GCDH: variants seen among roughly 807,000 people sequenced by gnomAD.
GCDH encodes the protein glutaryl-CoA dehydrogenase, mitochondrial.
In GCDH, 31 loss-of-function variants were observed where a neutral mutation model predicts 52.8. The observed-to-expected ratio is 0.59, with a 90% CI of 0.44 to 0.79. The LOEUF (loss-of-function observed/expected upper bound fraction) is 0.79, where lower values mean the gene tolerates loss of function less well. Among genes scored for constraint, GCDH ranks in the 30% least tolerant of loss-of-function variants. The probability of loss-of-function intolerance (pLI) is 0.00; values close to 1 mark genes in which losing one functional copy is unlikely to be tolerated. For synonymous variants in GCDH, 242 were observed against 250.0 expected (o/e 0.97, Z 0.30); for missense variants, 509 against 595.0 (o/e 0.86, Z 1.50).
Position 12,897,707 on chromosome 19 carries a change from G to T in GCDH, c.1087G>T (p.Ala363Ser), listed in dbSNP as rs1403804645. ...LGRLKDQDKA[A>S]PEMVSLLKRN... ...ACCCTCATGTGCCACTCCCAGGGCT[G>T]CCCCCGAGATGGTTTCTCTGCTGAA... The change falls in exon 11 of 12, where the codon GCC (alanine) becomes TCC (serine). Residue 363 changes from alanine to serine, a missense_variant. Physicochemically the swap from Ala to Ser is moderately conservative, Grantham distance 99. Coordinates refer to ENST00000222214, the MANE Select transcript of GCDH (RefSeq NM_000159.4). 2 of 1,614,068 alleles carry T rather than the reference G, an allele frequency of 1.2e-6. No individual in the cohort carries two copies. Among genetic ancestry groups the T allele is most frequent in the Non-Finnish European group, 1.7e-6 (2 of 1,179,980 alleles).
intron 10 of GCDH, 28 bp downstream of exon 10, chr19:12,897,456 G>A (rs751640362): frequency 1.1e-5 from 18 of 1,609,534 alleles, no homozygotes; most frequent in Non-Finnish European, 1.4e-5. Context: ...GGGGCGGGGG[G>A]ATGGCAGCGG....
At chr19:12,892,277 T>C (rs767868063) in intron 5 of GCDH, 99 bp downstream of exon 5, 2 of 1,083,660 alleles carry the variant, frequency 1.8e-6, no homozygotes, top group African/African-American at 3.1e-5. Context: ...TCTCTTTCTT[T>C]TCTTTTCCTT....
rs565898547 is a variant in GCDH at position 12,898,586 on chromosome 19, T to A, written c.1243+723T>A. On this transcript the variant is annotated intron_variant, in intron 11 of 11. Coordinates refer to ENST00000222214, the MANE Select transcript of GCDH (RefSeq NM_000159.4). ...CCCTGAGGACAAGCAGCGGGCGCCA[T>A]GAGATGGTTTTATGCAGAGAAGGGA... Among the ~76,000 whole-genome samples the A allele has an allele frequency of 2.0e-5, 3 of 150,506 alleles. No individual in the cohort carries two copies. In the South Asian group the frequency reaches 6.4e-4, roughly 32 times the overall value.
At position 12,896,420 on chromosome 19, in the gene GCDH, G is replaced by C. The variant is rs749033627; in HGVS notation, c.851G>C (p.Gly284Ala). Residue 284 changes from glycine (G) to alanine (A), a missense_variant and splice_region_variant, in exon 8 of 12, where the codon GGG becomes GCG. Gly to Ala is a moderately conservative substitution (Grantham distance 60). Coordinates refer to ENST00000222214, the MANE Select transcript of GCDH (RefSeq NM_000159.4). The surrounding 1 kb of genome is among the most constrained non-coding windows in gnomAD (Gnocchi z 5.5). ...ENVLPGASSL[G>A]GPFGCLNNAR... is the part of the protein sequence containing the mutation. ...GTGCTCCCTGGTGCATCCAGCCTGG[G>C]GGTAAGTGGCAGCCACTTTGGGAAT... is the stretch of plus-strand genomic sequence containing the variant. The C allele has an allele frequency of 1.2e-6, 2 of 1,611,866 alleles. No homozygotes were observed. The highest frequency in any genetic ancestry group is 3.3e-5 in the Admixed American group (2 of 59,806).
rs978421756 is a variant in GCDH at position 12,899,916 on chromosome 19, T to C, written c.*375T>C. On this transcript the variant is annotated 3_prime_UTR_variant, in exon 12 of 12. Coordinates refer to ENST00000222214, the MANE Select transcript of GCDH (RefSeq NM_000159.4). The stretch of plus-strand genomic sequence containing the variant: ...CCTCCCATCTGGGGGTAGTGCCTTA[T>C]GCTGGGTGTTGGAGCAGAGTGAGGG... 1.5e-5 allele frequency: 24 copies of C among 1,608,660 alleles called. No homozygotes were observed. Among genetic ancestry groups the C allele is most frequent in the Non-Finnish European group, 2.0e-5 (24 of 1,177,324 alleles).
Position 12,891,261 on chromosome 19 carries a change from G to A in GCDH, c.-34-10G>A, listed in dbSNP as rs1468754444. On this transcript the variant is annotated splice_polypyrimidine_tract_variant and intron_variant, in intron 1 of 11. Coordinates refer to ENST00000222214, the MANE Select transcript of GCDH (RefSeq NM_000159.4). Reference sequence around the variant, plus strand: ...AGAGGAGCTCCGCTCTGACACCCCCGCTCCTGTAGGTCGCCGTCGTTGCTC... The same window carrying A: ...AGAGGAGCTCCGCTCTGACACCCCCACTCCTGTAGGTCGCCGTCGTTGCTC... The A allele has an allele frequency of 2.0e-6, 3 of 1,528,354 alleles. No individual in the cohort carries two copies. Among genetic ancestry groups the A allele is most frequent in the East Asian group, 4.5e-5 (2 of 44,282 alleles). The allele number at this position is 1,528,354 out of a possible 1,614,324, so 94.7% of individuals were successfully genotyped here. A position where few individuals can be genotyped will look rare whatever the true frequency, so the allele number is the denominator to read the frequency against.
intron 11 of GCDH, chr19:12,898,248 A>G: frequency 3.3e-6 from 1 of 302,010 alleles, no homozygotes; most frequent in Non-Finnish European, 6.5e-6. Context: ...CATTTTGTTA[A>G]GAGACAAAAG....
rs1309890308 is a variant in GCDH, at chr19:12,897,700, C to T, written c.1083-3C>T. 1.2e-6 allele frequency: 2 copies of T among 1,613,910 alleles called. No homozygotes were observed. Among genetic ancestry groups the T allele is most frequent in the Non-Finnish European group, 1.7e-6 (2 of 1,179,990 alleles). On this transcript the variant is annotated splice_polypyrimidine_tract_variant and splice_region_variant and intron_variant, in intron 10 of 11. Coordinates refer to ENST00000222214, the MANE Select transcript of GCDH (RefSeq NM_000159.4). ...CCTTGTTACCCTCATGTGCCACTCC[C>T]AGGGCTGCCCCCGAGATGGTTTCTC...
intron 6 of GCDH, chr19:12,894,218 A>C: frequency 7.4e-7 from 1 of 1,353,434 alleles, no homozygotes; most frequent in Non-Finnish European, 1.1e-6. Flanking sequence ...ACTTTTTATG[A>C]GAAGCGTATG....
rs1278095651 is a variant in GCDH at position 12,899,912 on chromosome 19, C to A, written c.*371C>A. ...CCTCCCTCCCATCTGGGGGTAGTGC[C>A]TTATGCTGGGTGTTGGAGCAGAGTG... On this transcript the variant is annotated 3_prime_UTR_variant, in exon 12 of 12. Transcript: ENST00000222214. The A allele has an allele frequency of 1.2e-6, 2 of 1,609,774 alleles. No individual in the cohort carries two copies. The highest frequency in any genetic ancestry group is 1.7e-6 in the Non-Finnish European group (2 of 1,178,162).
chr19:12,897,470 C>G, intron 10 of GCDH, 42 bp downstream of exon 10: 8 of 1,606,020 alleles, frequency 5.0e-6, no homozygotes, highest in Non-Finnish European at 6.8e-6. Context: ...GCAGCGGTGG[C>G]TGGAGGACCT....
rs533186180 is a variant in GCDH, at chr19:12,899,803, A to AGGG, written c.*263_*264insGGG. ...CAGACTCCATTTACCCTGAAATAGC[A>AGGG]GCTTCTCTTGAGAGGAGAGTGACAT... On this transcript the variant is annotated 3_prime_UTR_variant, in exon 12 of 12. Coordinates refer to ENST00000222214, the MANE Select transcript of GCDH (RefSeq NM_000159.4). The AGGG allele has an allele frequency of 1.3e-5, 20 of 1,585,670 alleles. No homozygotes were observed. In the South Asian group the frequency reaches 2.2e-4, roughly 18 times the overall value.
At chr19:12,895,937 G>A in intron 6 of GCDH, 55 bp from the exon 7 acceptor site, 1 of 1,609,592 alleles carries the variant, frequency 6.2e-7, no homozygotes, top group Non-Finnish European at 8.5e-7. Flanking sequence ...TAATTTTTGA[G>A]TAAGGGGATG....
intron 5 of GCDH, 26 bp downstream of exon 5, chr19:12,892,204 C>G: frequency 6.3e-7 from 1 of 1,576,242 alleles, no homozygotes; most frequent in Non-Finnish European, 8.7e-7. Flanking sequence ...TCTCCACACA[C>G]TGCAGAACCC....
At chr19:12,894,226 A>G in intron 6 of GCDH, 5 of 1,265,946 alleles carry the variant, frequency 3.9e-6, no homozygotes, top group African/African-American at 1.5e-5. Context: ...TGAGAAGCGT[A>G]TGGCCACAGA....
At chr19:12,894,825 G>A (rs868106779) in intron 6 of GCDH, 5 of 623,474 alleles carry the variant, frequency 8.0e-6, no homozygotes, top group South Asian at 7.7e-5. Flanking sequence ...GTGAAGAGAC[G>A]CAGACTGTCC....
chr19:12,891,517 C>T lies in GCDH; in HGVS notation c.122C>T (p.Ala41Val), dbSNP rs1173513597. 5 of 1,614,228 alleles carry T rather than the reference C, an allele frequency of 3.1e-6. No homozygotes were observed. The highest frequency in any genetic ancestry group is 2.2e-5 in the East Asian group (1 of 44,886). ...GGCGGGAGAACACAGAGCCAACTGG[C>T]TAAGTGTAAGGACCTCTGGTCGCAC... ...EKGGRTQSQL[A>V]KSSRPEFDWQ... Residue 41 changes from alanine (A) to valine (V), a missense_variant, in exon 3 of 12, where the codon GCT (alanine) becomes GTT (valine). Transcript: ENST00000222214.
Position 12,899,966 on chromosome 19 carries a change from C to G in GCDH, c.*425C>G, listed in dbSNP as rs757639544. On this transcript the variant is annotated 3_prime_UTR_variant, in exon 12 of 12. Transcript: ENST00000222214. ...GAGAGGAAAATAAAGACCTGCACAT[C>G]TGACCCCAAGGTGTCAGGCCGGTTT... The G allele has an allele frequency of 6.2e-7, 1 of 1,608,882 alleles. No individual in the cohort carries two copies. Among genetic ancestry groups the G allele is most frequent in the East Asian group, 2.2e-5 (1 of 44,694 alleles).
intron 6 of GCDH, chr19:12,894,418 T>C (rs1020145083): frequency 1.6e-5 from 12 of 751,692 alleles, no homozygotes; most frequent in Non-Finnish European, 2.5e-5. Flanking sequence ...AAAGAGAAGA[T>C]CAGTTCATGG....
Sources: gnomAD v4.1 joint callset for allele counts (sites outside exome capture counted in the v4.1 genomes callset) on GRCh38, gnomAD v4.1.1 for gene constraint, Gnocchi (gnomAD v3.1) non-coding constraint, MANE v1.5 for transcripts, NCBI Gene and HGNC (gene_info 2026-07-23, HGNC 2026-07-21) for gene names.